Variants in FRMD4A observed in about 807,000 individuals in gnomAD.
The protein encoded by FRMD4A is FERM domain containing 4A.
FRMD4A carries 29 observed loss-of-function variants against 129.1 expected under a neutral mutation model. The ratio of observed to expected loss-of-function variants is 0.22; its 90% CI spans 0.17 to 0.31. FRMD4A has a LOEUF of 0.31. Ranked by LOEUF, FRMD4A falls within the 10% of genes least tolerant of loss-of-function variation. FRMD4A has a pLI of 1.00. For missense variants in FRMD4A, 1,272 were observed against 1,375.8 expected, an observed-to-expected ratio of 0.92 and a Z score of 1.19; for synonymous variants, 634 against 571.6, an observed-to-expected ratio of 1.11 and a Z score of -1.56.
At chr10:14,273,326 G>T (rs1021154506) in intron 2 of FRMD4A, among the ~76,000 whole-genome samples, 8 of 152,144 alleles carry the variant, frequency 5.3e-5, no homozygotes, top group Non-Finnish European at 4.4e-5. Context: ...GAGAGCTTGG[G>T]TGATTTGAAG....
rs575643633 is a variant in FRMD4A, at chr10:14,227,079, G to A, written c.45+102979C>T. On this transcript the variant is annotated intron_variant, in intron 2 of 24. Transcript: ENST00000357447. ...CTCCCCACGAGGGCTGCACATGCCCGCAAGATGGATCTACTTCCAATTCCC... is the reference window on the plus strand; with the variant it reads ...CTCCCCACGAGGGCTGCACATGCCCACAAGATGGATCTACTTCCAATTCCC... 2.2e-4 allele frequency among the ~76,000 whole-genome samples: 34 copies of A among 152,010 alleles called. No individual in the cohort carries two copies. The South Asian group carries it at 5.2e-3, about 23-fold the overall frequency.
chr10:13,932,247 A>C (rs2095206937), intron 2 of FRMD4A, among the ~76,000 whole-genome samples: 1 of 152,122 alleles, frequency 6.6e-6, no homozygotes, highest in Non-Finnish European at 1.5e-5. Context: ...GTGCTCAACA[A>C]ATGTTTGTTC....
chr10:13,913,114 A>G (rs1051534283), intron 2 of FRMD4A, among the ~76,000 whole-genome samples: 7 of 152,150 alleles, frequency 4.6e-5, no homozygotes, highest in Admixed American at 2.0e-4. Context: ...AAAGAAATGA[A>G]GTGCTGATAC....
At chr10:14,206,243 C>A (rs371828491) in intron 2 of FRMD4A, among the ~76,000 whole-genome samples, 2 of 150,386 alleles carry the variant, frequency 1.3e-5, no homozygotes, top group Non-Finnish European at 3.0e-5. Flanking sequence ...ACAAGGCGCA[C>A]TTTTCTTCTT....
At chr10:13,771,965 T>G (rs1339563805) in intron 6 of FRMD4A, among the ~76,000 whole-genome samples, 1 of 150,648 alleles carries the variant, frequency 6.6e-6, no homozygotes, top group Non-Finnish European at 1.5e-5. Context: ...AAAAAACAAA[T>G]TAGCTGGGTG....
At chr10:13,799,059 G>A (rs1024580671) in intron 4 of FRMD4A, among the ~76,000 whole-genome samples, 5 of 152,142 alleles carry the variant, frequency 3.3e-5, no homozygotes, top group African/African-American at 9.7e-5. Context: ...GTCCTCCTCC[G>A]ACCCTTACAG....
chr10:14,015,886 A>C (rs1295780226), intron 2 of FRMD4A, among the ~76,000 whole-genome samples: 1 of 152,218 alleles, frequency 6.6e-6, no homozygotes, highest in Admixed American at 6.5e-5. Flanking sequence ...GGATGAAGAC[A>C]AAAGGACTGA....
At chr10:13,941,558 G>T (rs1016453111) in intron 2 of FRMD4A, among the ~76,000 whole-genome samples, 1 of 152,188 alleles carries the variant, frequency 6.6e-6, no homozygotes, top group African/African-American at 2.4e-5. Flanking sequence ...GGTAAGAGAA[G>T]AGTCTCAGAT....
chr10:14,325,699 C>A (rs1843246427), intron 2 of FRMD4A, among the ~76,000 whole-genome samples: 1 of 152,252 alleles, frequency 6.6e-6, no homozygotes, highest in Admixed American at 6.5e-5. Context: ...AAGCCAGTCA[C>A]TGCCTTGTAC....
intron 18 of FRMD4A, among the ~76,000 whole-genome samples, chr10:13,665,188 T>C (rs377145751): frequency 6.6e-6 from 1 of 152,116 alleles, no homozygotes; most frequent in Non-Finnish European, 1.5e-5. Context: ...TAACTATTTT[T>C]AAGTGTACAG....
chr10:14,091,284 A>T (rs1436146455), intron 2 of FRMD4A, among the ~76,000 whole-genome samples: 1 of 147,304 alleles, frequency 6.8e-6, no homozygotes, highest in Non-Finnish European at 1.5e-5. Context: ...ACATGGCATT[A>T]AAAAAAAGGC....
At chr10:14,225,076 A>G (rs1843391359) in intron 2 of FRMD4A, among the ~76,000 whole-genome samples, 1 of 152,250 alleles carries the variant, frequency 6.6e-6, no homozygotes, top group South Asian at 2.1e-4. Context: ...TAAGCTTGAC[A>G]TTCTTATTAG....
At chr10:14,271,650 T>C (rs947305733) in intron 2 of FRMD4A, among the ~76,000 whole-genome samples, 6 of 152,256 alleles carry the variant, frequency 3.9e-5, no homozygotes, top group Non-Finnish European at 7.3e-5. Context: ...TGTTCTATTA[T>C]TGCCTTCTTC....
Position 13,821,553 on chromosome 10 carries a change from C to A in FRMD4A, c.112-10645G>T, listed in dbSNP as rs935416004. Among the ~76,000 whole-genome samples, 1 of 152,186 alleles carries A rather than the reference C, an allele frequency of 6.6e-6. No homozygotes were observed. Among genetic ancestry groups the A allele is most frequent in the African/African-American group, 2.4e-5 (1 of 41,444 alleles). ...TGCAGCAGAACAGCAAAGCTGCCAA[C>A]AACACTGCCCACCTGTCCCCGCCTG... On this transcript the variant is annotated intron_variant, in intron 3 of 24. Coordinates refer to ENST00000357447, the MANE Select transcript of FRMD4A (RefSeq NM_018027.5). This position sits in a 1 kb window ranked among gnomAD's most constrained non-coding sequence, Gnocchi z 4.3.
At chr10:13,798,446 C>T (rs531861712) in intron 4 of FRMD4A, among the ~76,000 whole-genome samples, 3 of 151,774 alleles carry the variant, frequency 2.0e-5, no homozygotes, top group East Asian at 1.9e-4. Flanking sequence ...TGGTGGCTCA[C>T]GCCTGTACGC....
chr10:13,907,477 C>G (rs972251694), intron 2 of FRMD4A, among the ~76,000 whole-genome samples: 1 of 152,074 alleles, frequency 6.6e-6, no homozygotes, highest in African/African-American at 2.4e-5. Flanking sequence ...AAGGGAAACC[C>G]ACGGCGGGTC....
chr10:13,667,013 A>G (rs2083106210), intron 17 of FRMD4A, among the ~76,000 whole-genome samples: 1 of 150,468 alleles, frequency 6.6e-6, no homozygotes, highest in Admixed American at 6.7e-5. Context: ...CCAGGTTCAA[A>G]TGATTCTCCT....
At position 14,048,890 on chromosome 10, in the gene FRMD4A, TAGA is replaced by T. The variant is rs1565211143; in HGVS notation, c.46-189981_46-189979del. Reference sequence around the variant, plus strand: ...TAGAATAGAATAGAATAGAATAGAATAGAATAGAATAGAAAATAAAATGAAATA... The same window carrying T: ...TAGAATAGAATAGAATAGAATAGAATATAGAATAGAAAATAAAATGAAATA... On this transcript the variant is annotated intron_variant, in intron 2 of 24. Coordinates refer to ENST00000357447, the MANE Select transcript of FRMD4A (RefSeq NM_018027.5). 1.9e-3 allele frequency among the ~76,000 whole-genome samples: 156 copies of T among 81,348 alleles called. 5 individuals carry two copies. The highest frequency in any genetic ancestry group is 7.4e-3 in the African/African-American group (144 of 19,384). The allele number at this position is 81,348 out of a possible 152,430, so 53.4% of individuals were successfully genotyped here. A position where few individuals can be genotyped will look rare whatever the true frequency, so the allele number is the denominator to read the frequency against.
At chr10:14,159,464 T>C (rs1346693815) in intron 2 of FRMD4A, among the ~76,000 whole-genome samples, 1 of 152,094 alleles carries the variant, frequency 6.6e-6, no homozygotes, top group Non-Finnish European at 1.5e-5. Context: ...TGAAAGAAAC[T>C]GAAGAAGACA....
Sources: allele counts gnomAD v4.1 joint callset (sites outside exome capture counted in the v4.1 genomes callset), GRCh38; gene constraint gnomAD v4.1.1; non-coding constraint Gnocchi (gnomAD v3.1); transcripts MANE v1.5; gene names NCBI Gene and HGNC (gene_info 2026-07-23, HGNC 2026-07-21).